The following IMMP2L variants were observed in gnomAD, a reference collection of about 807,000 sequenced individuals.
IMMP2L encodes mitochondrial inner membrane protease subunit 2.
In IMMP2L, 18 loss-of-function variants were observed where a neutral mutation model predicts 19.3. The observed-to-expected ratio is 0.93, with a 90% CI of 0.64 to 1.38. IMMP2L has a LOEUF of 1.38. Ranked by LOEUF, IMMP2L falls within the 40% of genes most tolerant of loss-of-function variation. The pLI, the probability that IMMP2L is intolerant of heterozygous loss-of-function variation, is 0.00. For synonymous variants in IMMP2L, 76 were observed against 73.0 expected, an observed-to-expected ratio of 1.04 and a Z score of -0.21; for missense variants, 233 against 218.2, an observed-to-expected ratio of 1.07 and a Z score of -0.43.
At chr7:111,342,877 C>T (rs1446392727) in intron 3 of IMMP2L, among the ~76,000 whole-genome samples, 1 of 151,858 alleles carries the variant, frequency 6.6e-6, no homozygotes, top group African/African-American at 2.4e-5. Context: ...AATTTAACAC[C>T]CTTCTAACAT....
intron 3 of IMMP2L, among the ~76,000 whole-genome samples, chr7:111,016,865 TA>T (rs1825720808): frequency 1.1e-5 from 1 of 87,092 alleles, no homozygotes; most frequent in South Asian, 3.0e-4. Flanking sequence ...TTATATAATA[TA>T]TTACATATAA....
intron 3 of IMMP2L, among the ~76,000 whole-genome samples, chr7:111,102,729 T>C (rs1226531752): frequency 1.3e-5 from 2 of 151,586 alleles, no homozygotes; most frequent in African/African-American, 4.8e-5. Context: ...CTTCGTGCTA[T>C]TCTATTAGAA....
At chr7:110,961,585 A>C (rs1485154930) in intron 4 of IMMP2L, among the ~76,000 whole-genome samples, 3 of 151,798 alleles carry the variant, frequency 2.0e-5, no homozygotes, top group African/African-American at 7.2e-5. Context: ...TGTTTCCACC[A>C]AAAGACCCAG....
chr7:111,218,224 T>C (rs1812161961), intron 3 of IMMP2L, among the ~76,000 whole-genome samples: 1 of 152,202 alleles, frequency 6.6e-6, no homozygotes, highest in South Asian at 2.1e-4. Context: ...AGTTTTCTTA[T>C]GCAAGACATC....
At chr7:111,117,726 G>A (rs992740143) in intron 3 of IMMP2L, among the ~76,000 whole-genome samples, 1 of 152,036 alleles carries the variant, frequency 6.6e-6, no homozygotes, top group African/African-American at 2.4e-5. Flanking sequence ...GATAGTGGGA[G>A]AATAGAATTT....
chr7:111,526,446 T>C (rs193083684), intron 1 of IMMP2L, among the ~76,000 whole-genome samples: 2 of 152,318 alleles, frequency 1.3e-5, no homozygotes, highest in East Asian at 3.9e-4. Flanking sequence ...AGACGATTAC[T>C]ATTTTCTTCT....
intron 3 of IMMP2L, among the ~76,000 whole-genome samples, chr7:111,192,658 G>A (rs1323725456): frequency 6.6e-6 from 1 of 152,132 alleles, no homozygotes; most frequent in Non-Finnish European, 1.5e-5. Flanking sequence ...GGAGCCAAGA[G>A]AACAGAGCTC....
At position 110,854,955 on chromosome 7, in the gene IMMP2L, C is replaced by T. The variant is rs183164069; in HGVS notation, c.408+31638G>A. On this transcript the variant is annotated intron_variant, in intron 5 of 5. Transcript: ENST00000405709. Reference sequence around the variant, plus strand: ...AAATAAAGCTTCTAGATCCGTCTTTCCTTCTAGATGTGTCATATTCCCAAA... The same window carrying T: ...AAATAAAGCTTCTAGATCCGTCTTTTCTTCTAGATGTGTCATATTCCCAAA... 1.3e-4 allele frequency among the ~76,000 whole-genome samples: 20 copies of T among 152,022 alleles called. No homozygotes were observed. In the South Asian group the frequency reaches 2.3e-3, roughly 17 times the overall value.
chr7:110,937,384 T>C (rs10235659), intron 4 of IMMP2L, among the ~76,000 whole-genome samples: 1 of 152,074 alleles, frequency 6.6e-6, no homozygotes, highest in African/African-American at 2.4e-5. Flanking sequence ...TACACCCAGT[T>C]TGGGTGGCAC....
At chr7:110,735,146 G>A (rs373509031) in intron 5 of IMMP2L, among the ~76,000 whole-genome samples, 1 of 152,090 alleles carries the variant, frequency 6.6e-6, no homozygotes, top group African/African-American at 2.4e-5. Flanking sequence ...CTCCTGACAC[G>A]TGCGCAGTAA....
At chr7:111,018,594 T>C (rs182811878) in intron 3 of IMMP2L, among the ~76,000 whole-genome samples, 55 of 152,208 alleles carry the variant, frequency 3.6e-4, no homozygotes, top group African/African-American at 1.1e-3. Context: ...TTGCATAAAC[T>C]CATTTAATAC....
At position 110,728,752 on chromosome 7, in the gene IMMP2L, T is replaced by C. The variant is rs773175045; in HGVS notation, c.409-65031A>G. 3.9e-5 allele frequency among the ~76,000 whole-genome samples: 6 copies of C among 152,188 alleles called. No homozygotes were observed. The highest frequency in any genetic ancestry group is 7.3e-5 in the Non-Finnish European group (5 of 68,034). ...TCTCCATGCACTGTACTATGGGTTC[T>C]GTGCATATTACCTCATTTGTTTCTC... On this transcript the variant is annotated intron_variant, in intron 5 of 5. Transcript: ENST00000405709. The surrounding 1 kb of genome is among the most constrained non-coding windows in gnomAD (Gnocchi z 4.6).
intron 3 of IMMP2L, among the ~76,000 whole-genome samples, chr7:111,178,899 T>C (rs1807383111): frequency 6.6e-6 from 1 of 152,096 alleles, no homozygotes; most frequent in Non-Finnish European, 1.5e-5. Context: ...TTCATGTTGA[T>C]ATTTTGATCT....
chr7:110,902,607 G>C (rs1334582359), intron 4 of IMMP2L, among the ~76,000 whole-genome samples: 1 of 151,452 alleles, frequency 6.6e-6, no homozygotes, highest in Non-Finnish European at 1.5e-5. Context: ...ATGGACCGTA[G>C]AGAGACTTTA....
At position 111,123,249 on chromosome 7, in the gene IMMP2L, C is replaced by T; in HGVS notation, c.240-159684G>A. 6 of 1,613,862 alleles carry T rather than the reference C, an allele frequency of 3.7e-6. No homozygotes were observed. Among genetic ancestry groups the T allele is most frequent in the Non-Finnish European group, 5.1e-6 (6 of 1,179,916 alleles). On this transcript the variant is annotated intron_variant, in intron 3 of 5. Transcript: ENST00000405709. The surrounding 1 kb of genome is among the most constrained non-coding windows in gnomAD (Gnocchi z 6.4). ...TGCTTTCTACAATTTCACCTGGAGCCTTTATTGGCCTACATAATCTTCTTC... is the reference window on the plus strand; with the variant it reads ...TGCTTTCTACAATTTCACCTGGAGCTTTTATTGGCCTACATAATCTTCTTC...
chr7:111,308,344 C>T (rs1228885247), intron 3 of IMMP2L, among the ~76,000 whole-genome samples: 1 of 151,636 alleles, frequency 6.6e-6, no homozygotes, highest in Non-Finnish European at 1.5e-5. Flanking sequence ...GAGAAAAATA[C>T]AAAAGAAAAG....
chr7:111,207,102 CAG>C (rs761785186), intron 3 of IMMP2L, among the ~76,000 whole-genome samples: 1 of 152,096 alleles, frequency 6.6e-6, no homozygotes, highest in African/African-American at 2.4e-5. Context: ...GAAAATTTTC[CAG>C]AGTCTCCATT....
intron 3 of IMMP2L, among the ~76,000 whole-genome samples, chr7:111,475,256 A>G (rs1841618942): frequency 6.6e-6 from 1 of 152,048 alleles, no homozygotes; most frequent in Non-Finnish European, 1.5e-5. Context: ...AATTTTTTTA[A>G]AAGGCATTCC....
intron 3 of IMMP2L, among the ~76,000 whole-genome samples, chr7:111,042,838 C>T (rs1792028711): frequency 6.6e-6 from 1 of 152,116 alleles, no homozygotes; most frequent in Admixed American, 6.6e-5. Context: ...TATTCTGATG[C>T]TAGGGAAAAT....
Sources: gnomAD v4.1 joint callset for allele counts (sites outside exome capture counted in the v4.1 genomes callset) on GRCh38, gnomAD v4.1.1 for gene constraint, Gnocchi (gnomAD v3.1) non-coding constraint, MANE v1.5 for transcripts, NCBI Gene and HGNC (gene_info 2026-07-23, HGNC 2026-07-21) for gene names.